The following SNX29 variants were observed in gnomAD, a reference collection of about 807,000 sequenced individuals.
The protein encoded by SNX29 is sorting nexin-29.
SNX29 carries 78 observed loss-of-function variants against 102.1 expected under a neutral mutation model. The ratio of observed to expected loss-of-function variants is 0.76; its 90% CI spans 0.64 to 0.92. The LOEUF (loss-of-function observed/expected upper bound fraction) is 0.92, where lower values mean the gene tolerates loss of function less well. Ranked by LOEUF, SNX29 falls within the 40% of genes least tolerant of loss-of-function variation. The pLI, the probability that SNX29 is intolerant of heterozygous loss-of-function variation, is 0.00. For synonymous variants in SNX29, 580 were observed against 414.5 expected (o/e 1.40, Z -4.85); for missense variants, 1,280 against 1,061.7 (o/e 1.21, Z -2.86).
intron 11 of SNX29, among the ~76,000 whole-genome samples, chr16:12,115,291 G>T (rs114495733): frequency 5.3e-5 from 8 of 152,058 alleles, no homozygotes; most frequent in African/African-American, 1.9e-4. Context: ...CACAAGTACC[G>T]AAGGAAGAAA....
chr16:12,114,384 A>G (rs2053611955), intron 11 of SNX29, among the ~76,000 whole-genome samples: 1 of 152,076 alleles, frequency 6.6e-6, no homozygotes, highest in Non-Finnish European at 1.5e-5. Context: ...GCTTTGCCCC[A>G]ATCCTGTTGA....
At chr16:12,239,179 G>C (rs2142271539) in intron 14 of SNX29, among the ~76,000 whole-genome samples, 1 of 152,330 alleles carries the variant, frequency 6.6e-6, no homozygotes, top group South Asian at 2.1e-4. Flanking sequence ...GGAGGGGATG[G>C]ATGCCAGGCA....
chr16:12,192,299 G>A (rs1354993190), intron 13 of SNX29, among the ~76,000 whole-genome samples: 2 of 152,150 alleles, frequency 1.3e-5, no homozygotes, highest in Non-Finnish European at 1.5e-5. Flanking sequence ...GGAAGGAGTT[G>A]GCAAGGCTTT....
chr16:12,484,116 C>G (rs990033489), intron 19 of SNX29, among the ~76,000 whole-genome samples: 1 of 152,216 alleles, frequency 6.6e-6, no homozygotes, highest in Admixed American at 6.5e-5. Context: ...CACCTGCTTC[C>G]TGCATCCCTG....
chr16:12,465,564 C>G (rs1223595329), intron 18 of SNX29, among the ~76,000 whole-genome samples: 1 of 151,996 alleles, frequency 6.6e-6, no homozygotes, highest in African/African-American at 2.4e-5. Flanking sequence ...TTCTCATGGT[C>G]TATGTGTCTG....
intron 14 of SNX29, among the ~76,000 whole-genome samples, chr16:12,203,300 T>G (rs1294538157): frequency 6.6e-6 from 1 of 151,934 alleles, no homozygotes; most frequent in East Asian, 1.9e-4. Context: ...GGTGGACTGG[T>G]GGTATTGGAG....
At chr16:12,225,748 G>T (rs1199437583) in intron 14 of SNX29, among the ~76,000 whole-genome samples, 1 of 152,158 alleles carries the variant, frequency 6.6e-6, no homozygotes, top group East Asian at 1.9e-4. Flanking sequence ...CTGATACAGG[G>T]ATTTGACCAG....
intron 15 of SNX29, among the ~76,000 whole-genome samples, chr16:12,323,439 A>C (rs1229731029): frequency 6.6e-6 from 1 of 152,164 alleles, no homozygotes; most frequent in African/African-American, 2.4e-5. Context: ...CAATAGAAAA[A>C]TAACTTCAAA....
chr16:12,282,451 G>A (rs1289652817), intron 15 of SNX29, among the ~76,000 whole-genome samples: 1 of 152,160 alleles, frequency 6.6e-6, no homozygotes, highest in African/African-American at 2.4e-5. Flanking sequence ...AGAGTTCCTC[G>A]AGGGCAGTGC....
intron 18 of SNX29, among the ~76,000 whole-genome samples, chr16:12,458,943 T>C (rs896884865): frequency 1.1e-4 from 17 of 152,176 alleles, no homozygotes; most frequent in African/African-American, 3.9e-4. Context: ...ACAAAACAAT[T>C]TTTTGCCTTA....
intron 13 of SNX29, among the ~76,000 whole-genome samples, chr16:12,164,550 A>G (rs1323126580): frequency 2.6e-5 from 4 of 152,084 alleles, no homozygotes; most frequent in Non-Finnish European, 5.9e-5. Flanking sequence ...ATTTCTTGAA[A>G]CTTCTCACTT....
chr16:12,494,068 C>G (rs2088685150), intron 19 of SNX29, among the ~76,000 whole-genome samples: 2 of 152,128 alleles, frequency 1.3e-5, no homozygotes, highest in African/African-American at 4.8e-5. Context: ...TTTCTGGATG[C>G]CATCCTTTGT....
chr16:12,230,533 T>C (rs959048052), intron 14 of SNX29, among the ~76,000 whole-genome samples: 1 of 152,198 alleles, frequency 6.6e-6, no homozygotes, highest in Non-Finnish European at 1.5e-5. Flanking sequence ...GCCTAAATAC[T>C]GGAAGGGCCT....
chr16:12,302,701 A>G lies in SNX29; in HGVS notation c.1782+24665A>G, dbSNP rs140612102. 2.5e-3 allele frequency among the ~76,000 whole-genome samples: 383 copies of G among 152,372 alleles called. 3 individuals carry two copies. The highest frequency in any genetic ancestry group is 8.6e-3 in the African/African-American group (358 of 41,588). On this transcript the variant is annotated intron_variant, in intron 15 of 20. Transcript: ENST00000566228. ...AGAATTTCATTGCGCTTTTGAGGGA[A>G]CACAAACATTCAGACCATAGTTTCT...
chr16:12,284,884 C>G (rs1342155071), intron 15 of SNX29, among the ~76,000 whole-genome samples: 56 of 152,052 alleles, frequency 3.7e-4, no homozygotes, highest in Non-Finnish European at 1.5e-5. Flanking sequence ...GCCACCACAC[C>G]CAGCTAATTT....
intron 14 of SNX29, among the ~76,000 whole-genome samples, chr16:12,256,289 T>G (rs2078571266): frequency 6.6e-6 from 1 of 152,204 alleles, no homozygotes; most frequent in Non-Finnish European, 1.5e-5. Context: ...TCAGACCTAT[T>G]TTGCAAACAG....
Position 12,048,427 on chromosome 16 carries a change from G to A in SNX29, c.555G>A (p.Gln185=), listed in dbSNP as rs2050173188. 2 of 1,613,652 alleles carry A rather than the reference G, an allele frequency of 1.2e-6. No homozygotes were observed. The highest frequency in any genetic ancestry group is 2.7e-5 in the African/African-American group (2 of 74,850). The change falls in exon 7 of 21, where the codon CAG becomes CAA. Residue 185 remains glutamine (Q), a synonymous_variant. Coordinates refer to ENST00000566228, the MANE Select transcript of SNX29 (RefSeq NM_032167.5). ...INIDNKDLNG[Q]SKFAPTVSDL... ...TCGACAACAAGGATTTGAACGGGCA[G>A]AGTAAGTTTGCTCCCACCGTTTCAG...
chr16:12,269,414 A>G (rs571969322), intron 14 of SNX29, among the ~76,000 whole-genome samples: 1 of 152,338 alleles, frequency 6.6e-6, no homozygotes, highest in Admixed American at 6.5e-5. Context: ...AATACTGTGT[A>G]ATCTGCAGTG....
At chr16:12,077,206 G>A (rs1189142974) in intron 10 of SNX29, among the ~76,000 whole-genome samples, 1 of 152,030 alleles carries the variant, frequency 6.6e-6, no homozygotes, top group Non-Finnish European at 1.5e-5. Context: ...TTGAACCCAG[G>A]AGTTCAAGCC....
Sources: allele counts gnomAD v4.1 joint callset (sites outside exome capture counted in the v4.1 genomes callset), GRCh38; gene constraint gnomAD v4.1.1; transcripts MANE v1.5; gene names NCBI Gene and HGNC (gene_info 2026-07-23, HGNC 2026-07-21).